SLC35F4: variants seen among roughly 807,000 people sequenced by gnomAD.
SLC35F4 encodes the protein solute carrier family 35 member F4, also known as chromosome 14 open reading frame 36.
SLC35F4 carries 24 observed loss-of-function variants against 44.2 expected under a neutral mutation model. The ratio of observed to expected loss-of-function variants is 0.54; its 90% confidence interval spans 0.39 to 0.76. The LOEUF is 0.76. SLC35F4 is among the 30% of genes least tolerant of loss of function. The pLI is 0.00. For synonymous variants in SLC35F4, 238 were observed against 223.6 expected (o/e 1.06, Z -0.57); for missense variants, 562 against 586.1 (o/e 0.96, Z 0.42).
intron 1 of SLC35F4, among the ~76,000 whole-genome samples, chr14:57,755,495 G>A (rs1308591768): frequency 1.3e-5 from 2 of 152,146 alleles, no homozygotes; most frequent in Non-Finnish European, 2.9e-5. Flanking sequence ...GAGTTTGTGA[G>A]GAAGACTGGG....
chr14:57,944,658 GGAGA>G (rs1168293164), intron 1 of SLC35F4, among the ~76,000 whole-genome samples: 5 of 138,768 alleles, frequency 3.6e-5, no homozygotes, highest in South Asian at 2.3e-4. Flanking sequence ...AGGAAGGGAG[GGAGA>G]GAGAGAAAGA....
intron 1 of SLC35F4, among the ~76,000 whole-genome samples, chr14:57,933,575 G>T (rs941390262): frequency 1.3e-5 from 2 of 152,184 alleles, no homozygotes; most frequent in Non-Finnish European, 2.9e-5. Flanking sequence ...CAGCTGAGTG[G>T]CTGAGTCAGC....
At chr14:57,776,370 A>G (rs1283186049) in intron 1 of SLC35F4, among the ~76,000 whole-genome samples, 1 of 152,162 alleles carries the variant, frequency 6.6e-6, no homozygotes, top group African/African-American at 2.4e-5. Context: ...GATCAAAATG[A>G]AAGAAAAAAA....
At chr14:57,585,932 A>G (rs1265862899) in intron 3 of SLC35F4, among the ~76,000 whole-genome samples, 2 of 152,220 alleles carry the variant, frequency 1.3e-5, no homozygotes, top group Non-Finnish European at 2.9e-5. Flanking sequence ...TGCTCTTCCC[A>G]TCAAGCTATC....
chr14:57,691,846 C>T (rs966124991), intron 1 of SLC35F4, among the ~76,000 whole-genome samples: 3 of 152,030 alleles, frequency 2.0e-5, no homozygotes, highest in Non-Finnish European at 1.5e-5. Flanking sequence ...AACAATGCTA[C>T]GGGGGTGGAG....
chr14:57,784,974 G>A (rs1192553906), intron 1 of SLC35F4, among the ~76,000 whole-genome samples: 2 of 151,996 alleles, frequency 1.3e-5, no homozygotes, highest in Admixed American at 6.6e-5. Flanking sequence ...CTACCTTATT[G>A]TAAGAATACT....
intron 1 of SLC35F4, among the ~76,000 whole-genome samples, chr14:57,862,845 GT>G (rs1449875142): frequency 2.0e-5 from 3 of 152,104 alleles, no homozygotes; most frequent in Non-Finnish European, 1.5e-5. Context: ...TTATGTACTT[GT>G]TTATTTCTTT....
intron 1 of SLC35F4, among the ~76,000 whole-genome samples, chr14:57,748,411 T>G (rs1241022579): frequency 6.6e-6 from 1 of 152,112 alleles, no homozygotes; most frequent in African/African-American, 2.4e-5. Context: ...CACACTACCC[T>G]TTTATAGCTA....
intron 1 of SLC35F4, among the ~76,000 whole-genome samples, chr14:57,618,782 A>G (rs2072007583): frequency 6.6e-6 from 1 of 152,210 alleles, no homozygotes; most frequent in African/African-American, 2.4e-5. Flanking sequence ...GCAAGCTAAG[A>G]TCCACTGGCT....
chr14:57,908,241 T>C (rs1278384951), intron 1 of SLC35F4, among the ~76,000 whole-genome samples: 2 of 152,238 alleles, frequency 1.3e-5, no homozygotes, highest in African/African-American at 4.8e-5. Flanking sequence ...TAAATAGTGC[T>C]GCAATAAACA....
intron 1 of SLC35F4, among the ~76,000 whole-genome samples, chr14:57,636,797 G>C (rs973688635): frequency 6.6e-6 from 1 of 152,084 alleles, no homozygotes; most frequent in African/African-American, 2.4e-5. Flanking sequence ...ATTTAACTGA[G>C]CATACTAGTT....
chr14:57,839,306 A>G (rs1885258482), intron 1 of SLC35F4, among the ~76,000 whole-genome samples: 1 of 152,170 alleles, frequency 6.6e-6, no homozygotes, highest in Non-Finnish European at 1.5e-5. Context: ...TGTAATATTG[A>G]TGGCAGTGAT....
intron 1 of SLC35F4, among the ~76,000 whole-genome samples, chr14:57,757,892 C>T (rs1427534683): frequency 7.9e-5 from 12 of 151,912 alleles, no homozygotes; most frequent in African/African-American, 2.9e-4. Flanking sequence ...CTGTTAGAGT[C>T]CCCTGTGGTT....
At chr14:57,653,789 T>G (rs2073868262) in intron 1 of SLC35F4, among the ~76,000 whole-genome samples, 1 of 152,162 alleles carries the variant, frequency 6.6e-6, no homozygotes, top group Non-Finnish European at 1.5e-5. Context: ...CATGTTAGTT[T>G]GCTAGGGCTG....
chr14:57,689,577 A>G (rs1848217295), intron 1 of SLC35F4, among the ~76,000 whole-genome samples: 1 of 152,108 alleles, frequency 6.6e-6, no homozygotes, highest in South Asian at 2.1e-4. Flanking sequence ...AATTGAATAT[A>G]TCATTCCTTT....
intron 4 of SLC35F4, among the ~76,000 whole-genome samples, chr14:57,576,921 G>T (rs2068828407): frequency 2.6e-5 from 4 of 152,142 alleles, no homozygotes; most frequent in Admixed American, 2.0e-4. Flanking sequence ...TTCCTTGAGG[G>T]TGTAAAATCG....
At chr14:57,975,237 G>A (rs1454944340), downstream of SLC35F4, among the ~76,000 whole-genome samples, 1 of 152,206 alleles carries the variant, frequency 6.6e-6, no homozygotes, top group Non-Finnish European at 1.5e-5. Flanking sequence ...AGCAGGAACA[G>A]GTGGCTTCCC....
chr14:57,831,279 C>T (rs1056650927), intron 1 of SLC35F4, among the ~76,000 whole-genome samples: 5 of 152,106 alleles, frequency 3.3e-5, no homozygotes, highest in African/African-American at 2.4e-5. Flanking sequence ...CTCTGCAAGC[C>T]GGAAAGAGGG....
rs900797051 is a variant in SLC35F4, at chr14:57,798,798, A to C, written c.103+66925T>G. Among the ~76,000 whole-genome samples, 53 of 152,296 alleles carry C rather than the reference A, an allele frequency of 3.5e-4. 1 individual carries two copies. The highest frequency in any genetic ancestry group is 8.8e-5 in the Non-Finnish European group (6 of 68,024). ...CGGCACGTCCTGCTCAGCCAACTTT[A>C]GGGCTTTTACAGTAAATGCAGCAAG... On this transcript the variant is annotated intron_variant, in intron 1 of 7. Coordinates refer to ENST00000556826, the MANE Select transcript of SLC35F4 (RefSeq NM_001306087.2).
Sources: gnomAD v4.1 joint callset for allele counts (sites outside exome capture counted in the v4.1 genomes callset) on GRCh38, gnomAD v4.1.1 for gene constraint, MANE v1.5 for transcripts, NCBI Gene and HGNC (gene_info 2026-07-23, HGNC 2026-07-21) for gene names.